ARHGEF3: variants seen among roughly 807,000 people sequenced by gnomAD.
The protein encoded by ARHGEF3 is 59.8 kDA protein.
ARHGEF3 carries 28 observed loss-of-function variants against 63.2 expected under a neutral mutation model. The ratio of observed to expected loss-of-function variants is 0.44; its 90% confidence interval spans 0.33 to 0.61. ARHGEF3 has a LOEUF of 0.61. Ranked by LOEUF, ARHGEF3 falls within the 20% of genes least tolerant of loss-of-function variation. The probability of loss-of-function intolerance (pLI) is 0.03; values close to 1 mark genes in which losing one functional copy is unlikely to be tolerated. For missense variants in ARHGEF3, 533 were observed against 659.3 expected (o/e 0.81, Z 2.10); for synonymous variants, 266 against 254.2 (o/e 1.05, Z -0.44).
At chr3:56,761,192 A>C (rs2317247) in intron 2 of ARHGEF3, among the ~76,000 whole-genome samples, 99,745 of 152,126 alleles carry the variant, frequency 0.66, 34,533 homozygotes, top group East Asian at 0.95. Context: ...AGCAGCTGGT[A>C]TGGTCTGGGG....
At chr3:56,809,400 T>TG (rs2037982877) in intron 4 of ARHGEF3, among the ~76,000 whole-genome samples, 1 of 152,204 alleles carries the variant, frequency 6.6e-6, no homozygotes, top group African/African-American at 2.4e-5. Flanking sequence ...ATATTTGTTT[T>TG]GGGGGGCAGA....
chr3:56,750,991 T>C (rs1403267540), intron 6 of ARHGEF3, 65 bp downstream of exon 6: 1 of 1,170,984 alleles, frequency 8.5e-7, no homozygotes, highest in African/African-American at 1.6e-5. Flanking sequence ...AAAGTCTAGC[T>C]AAAATGAAAC....
At chr3:56,767,120 G>A (rs572454013) in intron 2 of ARHGEF3, among the ~76,000 whole-genome samples, 7 of 150,642 alleles carry the variant, frequency 4.6e-5, no homozygotes, top group Non-Finnish European at 8.8e-5. Flanking sequence ...GACCAGTCTG[G>A]GCAACATAGG....
chr3:56,792,820 T>A (rs7624453), intron 1 of ARHGEF3, among the ~76,000 whole-genome samples: 46,785 of 102,270 alleles, frequency 0.46, 8,007 homozygotes, highest in Middle Eastern at 0.61. Context: ...CTTTTTCTTA[T>A]TTTTTTTTTT....
At chr3:56,742,888 T>G (rs2107724945) in intron 7 of ARHGEF3, among the ~76,000 whole-genome samples, 1 of 152,338 alleles carries the variant, frequency 6.6e-6, no homozygotes, top group South Asian at 2.1e-4. Context: ...CTTATCTGTT[T>G]TTAAATTCAA....
intron 1 of ARHGEF3, among the ~76,000 whole-genome samples, chr3:57,077,373 A>G (rs1421206918): frequency 6.6e-6 from 1 of 152,168 alleles, no homozygotes; most frequent in African/African-American, 2.4e-5. Context: ...TTTCTGGGGC[A>G]CAGGCCTCAT....
chr3:57,040,725 T>C (rs1704152581), intron 1 of ARHGEF3, among the ~76,000 whole-genome samples: 1 of 152,102 alleles, frequency 6.6e-6, no homozygotes, highest in Non-Finnish European at 1.5e-5. Context: ...CTTTAATAAA[T>C]GGCTCTGCCT....
At chr3:56,732,561 C>T in intron 8 of ARHGEF3, 137 bp from the exon 9 acceptor site, 1 of 999,392 alleles carries the variant, frequency 1.0e-6, no homozygotes, top group East Asian at 2.5e-5. Flanking sequence ...AATCTACCTC[C>T]AGGAGAACCA....
chr3:57,013,761 T>C (rs972736090), intron 2 of ARHGEF3, among the ~76,000 whole-genome samples: 1 of 152,190 alleles, frequency 6.6e-6, no homozygotes, highest in Non-Finnish European at 1.5e-5. Flanking sequence ...GCACTTGGTG[T>C]CTAGCTCAGG....
intron 4 of ARHGEF3, among the ~76,000 whole-genome samples, chr3:56,841,717 T>C (rs1426094674): frequency 6.6e-6 from 1 of 152,152 alleles, no homozygotes; most frequent in African/African-American, 2.4e-5. Flanking sequence ...TGTGATTCCA[T>C]GCTTTACCTT....
chr3:56,772,767 G>A (rs1431745498), intron 2 of ARHGEF3, among the ~76,000 whole-genome samples: 2 of 152,152 alleles, frequency 1.3e-5, no homozygotes, highest in East Asian at 3.8e-4. Context: ...TAAGGGCCAA[G>A]GTGTTATGCT....
At chr3:56,834,746 C>CAAA (rs763133636) in intron 4 of ARHGEF3, among the ~76,000 whole-genome samples, 5 of 69,710 alleles carry the variant, frequency 7.2e-5, no homozygotes, top group Non-Finnish European at 1.5e-4. Flanking sequence ...CTCTGACTTA[C>CAAA]AAAAAAAAAA....
chr3:56,918,528 G>A (rs1038485502), intron 3 of ARHGEF3, among the ~76,000 whole-genome samples: 3 of 152,032 alleles, frequency 2.0e-5, no homozygotes, highest in Non-Finnish European at 4.4e-5. Context: ...GAGCAGGGAG[G>A]GGCAGAGAGA....
At chr3:57,042,683 TATATA>T (rs1704257236) in intron 1 of ARHGEF3, among the ~76,000 whole-genome samples, 5 of 40,366 alleles carry the variant, frequency 1.2e-4, no homozygotes, top group Admixed American at 3.5e-4. Context: ...TATATATATA[TATATA>T]TATATATATA....
At chr3:56,958,433 A>G (rs1317027099) in intron 3 of ARHGEF3, among the ~76,000 whole-genome samples, 1 of 150,676 alleles carries the variant, frequency 6.6e-6, no homozygotes, top group African/African-American at 2.4e-5. Flanking sequence ...GGCTCAAGTG[A>G]TCCTCCCACC....
intron 4 of ARHGEF3, among the ~76,000 whole-genome samples, chr3:56,834,426 G>C (rs924736889): frequency 6.6e-6 from 1 of 151,954 alleles, no homozygotes; most frequent in African/African-American, 2.4e-5. Flanking sequence ...ATTTAATAAC[G>C]CTATATCCCA....
At chr3:56,937,263 A>G (rs1698953009) in intron 3 of ARHGEF3, among the ~76,000 whole-genome samples, 1 of 152,258 alleles carries the variant, frequency 6.6e-6, no homozygotes, top group African/African-American at 2.4e-5. Flanking sequence ...TTGGAGAATT[A>G]TTGATAACTT....
chr3:56,811,619 G>T (rs2038067006), intron 4 of ARHGEF3, among the ~76,000 whole-genome samples: 1 of 152,156 alleles, frequency 6.6e-6, no homozygotes, highest in Non-Finnish European at 1.5e-5. Context: ...AGTGGGAGCT[G>T]AATTAAGACA....
chr3:56,913,245 A>G (rs1560044503), intron 3 of ARHGEF3, among the ~76,000 whole-genome samples: 1 of 152,218 alleles, frequency 6.6e-6, no homozygotes. Context: ...ATATTTGCAT[A>G]TAATATATCT....
Sources: gnomAD v4.1 joint callset for allele counts (sites outside exome capture counted in the v4.1 genomes callset) on GRCh38, gnomAD v4.1.1 for gene constraint, MANE v1.5 for transcripts, NCBI Gene and HGNC (gene_info 2026-07-23, HGNC 2026-07-21) for gene names.